Variants in TARDBP observed in about 807,000 individuals in gnomAD.
The protein encoded by TARDBP is TAR DNA binding protein, also known as TAR DNA-binding protein 43.
A neutral mutation model predicts 38.3 loss-of-function variants in TARDBP; 4 were observed. That is an observed-to-expected ratio of 0.10 (90% CI 0.05 to 0.24). The LOEUF is 0.24. Among genes scored for constraint, TARDBP ranks in the 10% least tolerant of loss-of-function variants. The pLI is 1.00. For missense variants in TARDBP, 202 were observed against 521.9 expected (o/e 0.39, Z 5.97); for synonymous variants, 184 against 183.8 (o/e 1.00, Z -0.01).
intron 1 of TARDBP, among the ~76,000 whole-genome samples, chr1:11,013,430 A>G (rs894558677): frequency 9.2e-5 from 11 of 119,198 alleles, no homozygotes; most frequent in Admixed American, 9.5e-5. Context: ...CTAGCTTGTA[A>G]CCAGCAAGCC....
chr1:11,027,166 C>G (rs780106983), downstream of TARDBP: 60 of 1,613,922 alleles, frequency 3.7e-5, no homozygotes, highest in Non-Finnish European at 5.0e-5. Context: ...TTTTGATGGT[C>G]AACAATCGGT....
chr1:11,027,493 C>T (rs781121308), downstream of TARDBP: 64 of 1,613,988 alleles, frequency 4.0e-5, no homozygotes, highest in East Asian at 6.7e-5. Context: ...TGCTCATAGA[C>T]GGCATGAGCA....
At chr1:11,028,297 AT>A (rs1374055101), downstream of TARDBP, among the ~76,000 whole-genome samples, 5 of 152,210 alleles carry the variant, frequency 3.3e-5, no homozygotes, top group African/African-American at 1.2e-4. Context: ...GTGCATAGGA[AT>A]TAGAAGGATA....
At chr1:11,020,835 AC>A (rs1643622877) in intron 5 of TARDBP, among the ~76,000 whole-genome samples, 1 of 151,704 alleles carries the variant, frequency 6.6e-6, no homozygotes. Flanking sequence ...AATCGCTTGA[AC>A]CCAGGAGGCG....
chr1:11,026,808 C>A, downstream of TARDBP: 1 of 1,282,922 alleles, frequency 7.8e-7, no homozygotes, highest in Non-Finnish European at 1.0e-6. Context: ...ATGATGAATG[C>A]TTCTCGAGCC....
intron 5 of TARDBP, among the ~76,000 whole-genome samples, chr1:11,021,739 A>G (rs1450551930): frequency 1.3e-5 from 2 of 152,196 alleles, no homozygotes; most frequent in Admixed American, 1.3e-4. Context: ...TAGCTAGGAC[A>G]GATGCATGCC....
chr1:11,013,784 A>T lies in TARDBP; in HGVS notation c.57A>T (p.Pro19=), dbSNP rs532319219. The T allele has an allele frequency of 6.2e-7, 1 of 1,613,798 alleles. No individual in the cohort carries two copies. Residue 19 remains proline (P), a synonymous_variant, in exon 2 of 6, where the codon CCA becomes CCT. Transcript: ENST00000240185. ...EDENDEPIEI[P]SEDDGTVLLS... ...AGAACGATGAGCCCATTGAAATACC[A>T]TCGGAAGACGATGGGACGGTGCTGC...
At chr1:11,027,045 C>A, downstream of TARDBP, 2 of 1,593,082 alleles carry the variant, frequency 1.3e-6, no homozygotes, top group South Asian at 1.1e-5. Flanking sequence ...CAGTGCCCCT[C>A]CGCTGTCACC....
At chr1:11,028,552 C>T (rs997303275), downstream of TARDBP, among the ~76,000 whole-genome samples, 1 of 151,972 alleles carries the variant, frequency 6.6e-6, no homozygotes, top group African/African-American at 2.4e-5. Flanking sequence ...ATTAAATACG[C>T]CCATTAATGT....
In TARDBP at chr1:11,022,603, T is replaced by C; in HGVS notation, c.1194T>C (p.Asn398=). 6.3e-7 allele frequency: 1 copy of C among 1,595,318 alleles called. No homozygotes were observed. The change falls in exon 6 of 6, where the codon AAT becomes AAC. Residue 398 remains asparagine (N), a synonymous_variant. Coordinates refer to ENST00000240185, the MANE Select transcript of TARDBP (RefSeq NM_007375.4). The surrounding 1 kb of genome is among the most constrained non-coding windows in gnomAD (Gnocchi z 4.5). ...ASNAGSGSGF[N]GGFGSSMDSK... Reference sequence around the variant, plus strand: ...ATGCAGGGTCGGGCAGTGGTTTTAATGGAGGCTTTGGCTCAAGCATGGATT... The same window carrying C: ...ATGCAGGGTCGGGCAGTGGTTTTAACGGAGGCTTTGGCTCAAGCATGGATT...
chr1:11,018,948 A>T lies in TARDBP; in HGVS notation c.543+75A>T, dbSNP rs1643581973. 38 of 1,605,322 alleles carry T rather than the reference A, an allele frequency of 2.4e-5. No individual in the cohort carries two copies. In the South Asian group the frequency reaches 3.4e-4, roughly 14 times the overall value. ...GATTGTAAGATAAAATGTTAAACAC[A>T]CTTAGAAAAGATAGCGGCAGGGTGT... On this transcript the variant is annotated intron_variant, in intron 4 of 5. Transcript: ENST00000240185.
rs1192626703 is a variant in TARDBP, at chr1:11,023,767, A to C, written c.*1113A>C. On this transcript the variant is annotated 3_prime_UTR_variant, in exon 6 of 6. Coordinates refer to ENST00000240185, the MANE Select transcript of TARDBP (RefSeq NM_007375.4). ...CTTTGTCAACTGCTGTGAATGCTGTATGGTGTGTGTTCTCTTCTGTTACTG... is the reference window on the plus strand; with the variant it reads ...CTTTGTCAACTGCTGTGAATGCTGTCTGGTGTGTGTTCTCTTCTGTTACTG... 1 of 157,852 alleles carries C rather than the reference A, an allele frequency of 6.3e-6. No individual in the cohort carries two copies. The highest frequency in any genetic ancestry group is 1.4e-5 in the Non-Finnish European group (1 of 71,178). 9.8% of individuals were successfully genotyped at this position (157,852 alleles called of 1,614,324 possible).
At chr1:11,026,021 A>T (rs185750665), downstream of TARDBP, 19 of 130,618 alleles carry the variant, frequency 1.5e-4, no homozygotes, top group East Asian at 4.3e-3. Context: ...TTTCTCTATA[A>T]TGTCACCACT....
downstream of TARDBP, chr1:11,027,172 TCG>T: frequency 9.9e-6 from 16 of 1,614,158 alleles, no homozygotes; most frequent in Non-Finnish European, 1.4e-5. Flanking sequence ...TGGTCAACAA[TCG>T]GTATGTCGAC....
In TARDBP at chr1:11,022,890, CTGTTTGCCTGATTGG is replaced by C. The variant is rs1643668811; in HGVS notation, c.*238_*252del. ...ATATTGAGTGGTTGAAAGTGAACTG[CTGTTTGCCTGATTGG>C]TAAACCAACACACTACAATTGATAT... On this transcript the variant is annotated 3_prime_UTR_variant, in exon 6 of 6. Coordinates refer to ENST00000240185, the MANE Select transcript of TARDBP (RefSeq NM_007375.4). This position sits in a 1 kb window ranked among gnomAD's most constrained non-coding sequence, Gnocchi z 4.5. The C allele has an allele frequency of 7.3e-7, 1 of 1,363,912 alleles. No homozygotes were observed. The highest frequency in any genetic ancestry group is 1.5e-5 in the African/African-American group (1 of 67,854). 84.5% of individuals were successfully genotyped at this position (1,363,912 alleles called of 1,614,324 possible). A position where few individuals can be genotyped will look rare whatever the true frequency, so the allele number is the denominator to read the frequency against.
At chr1:11,027,697 G>C, downstream of TARDBP, 1 of 1,524,584 alleles carries the variant, frequency 6.6e-7, no homozygotes, top group Non-Finnish European at 8.8e-7. Flanking sequence ...AATGTCAATC[G>C]TGTTTTTCTT....
intron 4 of TARDBP, among the ~76,000 whole-genome samples, chr1:11,020,221 A>C (rs1643609020): frequency 6.6e-6 from 1 of 152,162 alleles, no homozygotes; most frequent in South Asian, 2.1e-4. Flanking sequence ...GTGATGCATG[A>C]CTGTGTACTT....
chr1:11,030,434 G>A (rs539712502), downstream of TARDBP: 2 of 592,608 alleles, frequency 3.4e-6, no homozygotes, highest in African/African-American at 1.9e-5. Context: ...CTTGCAAAGT[G>A]GAAACCTTTT....
At chr1:11,012,907 C>T (rs954820797) in intron 1 of TARDBP, among the ~76,000 whole-genome samples, 164 bp downstream of exon 1, 2 of 152,220 alleles carry the variant, frequency 1.3e-5, no homozygotes, top group Non-Finnish European at 2.9e-5. Context: ...GTCGTTAGGT[C>T]CTGGCACGGG....
Sources: allele counts gnomAD v4.1 joint callset (sites outside exome capture counted in the v4.1 genomes callset), GRCh38; gene constraint gnomAD v4.1.1; non-coding constraint Gnocchi (gnomAD v3.1); transcripts MANE v1.5; gene names NCBI Gene and HGNC (gene_info 2026-07-23, HGNC 2026-07-21).